Variants in PTPRD observed in about 807,000 individuals in gnomAD.
PTPRD encodes receptor-type tyrosine-protein phosphatase delta.
PTPRD carries 34 observed loss-of-function variants against 214.5 expected under a neutral mutation model. The ratio of observed to expected loss-of-function variants is 0.16; its 90% CI spans 0.12 to 0.21. The LOEUF is 0.21. PTPRD is among the 10% of genes least tolerant of loss of function. The pLI, the probability that PTPRD is intolerant of heterozygous loss-of-function variation, is 1.00. For synonymous variants in PTPRD, 1,128 were observed against 845.7 expected (o/e 1.33, Z -5.79); for missense variants, 2,545 against 2,398.7 (o/e 1.06, Z -1.27).
intron 14 of PTPRD, among the ~76,000 whole-genome samples, chr9:8,543,423 A>G (rs750204831): frequency 2.6e-5 from 4 of 152,214 alleles, no homozygotes; most frequent in Non-Finnish European, 5.9e-5. Context: ...TGCCCCTTCA[A>G]TTGCTCAGTG....
At chr9:8,800,720 T>C (rs1484828683) in intron 11 of PTPRD, among the ~76,000 whole-genome samples, 2 of 152,212 alleles carry the variant, frequency 1.3e-5, no homozygotes, top group Admixed American at 6.5e-5. Flanking sequence ...CATTCTTTTA[T>C]TTCTTCACTC....
intron 2 of PTPRD, among the ~76,000 whole-genome samples, chr9:10,514,277 ATTT>A (rs936395464): frequency 2.7e-5 from 4 of 150,814 alleles, no homozygotes; most frequent in Non-Finnish European, 4.4e-5. Context: ...TCTTTTATGT[ATTT>A]TTTTTTATAA....
At chr9:10,346,527 T>C (rs894946914) in intron 2 of PTPRD, among the ~76,000 whole-genome samples, 2 of 152,236 alleles carry the variant, frequency 1.3e-5, no homozygotes, top group East Asian at 1.9e-4. Flanking sequence ...CATAAGATTA[T>C]GTTTTATTCT....
intron 14 of PTPRD, among the ~76,000 whole-genome samples, chr9:8,629,856 G>A (rs189696209): frequency 6.6e-5 from 10 of 151,714 alleles, no homozygotes; most frequent in Non-Finnish European, 1.5e-4. Flanking sequence ...ATCTTATTTC[G>A]GGGCACATTC....
chr9:10,587,205 G>A (rs10120070), intron 2 of PTPRD, among the ~76,000 whole-genome samples: 27,678 of 151,992 alleles, frequency 0.18, 3,166 homozygotes, highest in East Asian at 0.56. Context: ...ACATTCAGCT[G>A]TAAGGAAGCT....
chr9:9,090,755 G>A (rs1334829532), intron 10 of PTPRD: 1 of 631,438 alleles, frequency 1.6e-6, no homozygotes, highest in Non-Finnish European at 2.8e-6. Flanking sequence ...AAACATCAGT[G>A]ATTTCAAGTT....
intron 5 of PTPRD, among the ~76,000 whole-genome samples, chr9:9,776,147 A>T (rs1002056698): frequency 6.6e-6 from 1 of 152,078 alleles, no homozygotes; most frequent in Non-Finnish European, 1.5e-5. Flanking sequence ...CTGGAGGAAA[A>T]CTAAACCACT....
intron 25 of PTPRD, among the ~76,000 whole-genome samples, chr9:8,498,035 T>C (rs560145240): frequency 1.4e-4 from 22 of 152,318 alleles, no homozygotes; most frequent in African/African-American, 5.3e-4. Flanking sequence ...ATAATAATTA[T>C]TTATACAAAT....
chr9:10,502,125 G>C (rs563777804), intron 2 of PTPRD, among the ~76,000 whole-genome samples: 1 of 151,952 alleles, frequency 6.6e-6, no homozygotes, highest in South Asian at 2.1e-4. Flanking sequence ...ACATTTCATG[G>C]TGAGAAAAGA....
chr9:9,785,979 C>T (rs767223905), intron 5 of PTPRD, among the ~76,000 whole-genome samples: 4 of 152,066 alleles, frequency 2.6e-5, no homozygotes, highest in African/African-American at 9.7e-5. Flanking sequence ...TATTTATTAC[C>T]ACTTTGCTAA....
chr9:8,656,715 AAT>A (rs1454206383), intron 12 of PTPRD, among the ~76,000 whole-genome samples: 2 of 152,194 alleles, frequency 1.3e-5, no homozygotes, highest in Non-Finnish European at 2.9e-5. Flanking sequence ...GATTTAGCAG[AAT>A]ATCTTTATAT....
At chr9:9,270,821 C>T (rs1302084642) in intron 9 of PTPRD, among the ~76,000 whole-genome samples, 4 of 151,302 alleles carry the variant, frequency 2.6e-5, no homozygotes, top group Non-Finnish European at 5.9e-5. Flanking sequence ...GAAAAGTTAA[C>T]AGGATTCACA....
intron 8 of PTPRD, among the ~76,000 whole-genome samples, chr9:9,427,047 C>G (rs550018340): frequency 6.6e-6 from 1 of 152,312 alleles, no homozygotes; most frequent in East Asian, 1.9e-4. Context: ...TGGAACAAAG[C>G]TGAACGGAGA....
intron 3 of PTPRD, among the ~76,000 whole-genome samples, chr9:10,134,384 T>C (rs2154261075): frequency 6.6e-6 from 1 of 152,264 alleles, no homozygotes; most frequent in African/African-American, 2.4e-5. Context: ...AAGGGGTTCA[T>C]CTATCCCCGG....
intron 33 of PTPRD, among the ~76,000 whole-genome samples, chr9:8,456,512 A>C (rs1039518650): frequency 6.6e-6 from 1 of 152,184 alleles, no homozygotes; most frequent in African/African-American, 2.4e-5. Context: ...CAGAAAGCAG[A>C]GTCAACCAGC....
rs1414753858 is a variant in PTPRD at position 9,572,579 on chromosome 9, ATG to A, written c.-237+2151_-237+2152del. Among the ~76,000 whole-genome samples, 5 of 144,106 alleles carry A rather than the reference ATG, an allele frequency of 3.5e-5. No homozygotes were observed. In the South Asian group the frequency reaches 6.6e-4, roughly 19 times the overall value. The allele number at this position is 144,106 out of a possible 152,430, so 94.5% of individuals were successfully genotyped here. A position where few individuals can be genotyped will look rare whatever the true frequency, so the allele number is the denominator to read the frequency against. On this transcript the variant is annotated intron_variant, in intron 8 of 45. Coordinates refer to ENST00000381196, the MANE Select transcript of PTPRD (RefSeq NM_002839.4). ...TATATATGTATATATATATATATAT[ATG>A]TGTATATATATGTATATGTGTATAT...
At chr9:8,437,972 CTT>C (rs2095417031) in intron 34 of PTPRD, among the ~76,000 whole-genome samples, 5 of 152,140 alleles carry the variant, frequency 3.3e-5, no homozygotes, top group Admixed American at 3.3e-4. Context: ...ATTGCTGACT[CTT>C]ATCTTACAGA....
intron 10 of PTPRD, among the ~76,000 whole-genome samples, chr9:9,073,037 T>C (rs1461052663): frequency 6.6e-6 from 1 of 152,176 alleles, no homozygotes; most frequent in Non-Finnish European, 1.5e-5. Context: ...AGGACAGCTT[T>C]TCAATAATAT....
chr9:8,996,085 T>C (rs533571708), intron 11 of PTPRD, among the ~76,000 whole-genome samples: 1 of 152,162 alleles, frequency 6.6e-6, no homozygotes, highest in East Asian at 1.9e-4. Context: ...TATATGCAAC[T>C]TAAAAATGCC....
Sources: allele counts gnomAD v4.1 joint callset (sites outside exome capture counted in the v4.1 genomes callset), GRCh38; gene constraint gnomAD v4.1.1; transcripts MANE v1.5; gene names NCBI Gene and HGNC (gene_info 2026-07-23, HGNC 2026-07-21).